The following GRIK2 variants were observed in gnomAD, a reference collection of about 807,000 sequenced individuals.
GRIK2 encodes glutamate ionotropic receptor kainate type subunit 2.
A neutral mutation model predicts 100.3 loss-of-function variants in GRIK2; 32 were observed. That is an observed-to-expected ratio of 0.32 (90% CI 0.24 to 0.43). The LOEUF (loss-of-function observed/expected upper bound fraction) is 0.43, where lower values mean the gene tolerates loss of function less well. GRIK2 is among the 20% of genes least tolerant of loss of function. The probability of loss-of-function intolerance (pLI) is 1.00; values close to 1 mark genes in which losing one functional copy is unlikely to be tolerated. For missense variants in GRIK2, 843 were observed against 1,114.9 expected (o/e 0.76, Z 3.47); for synonymous variants, 417 against 389.4 (o/e 1.07, Z -0.83).
rs565469223 is a variant in GRIK2 at position 101,773,218 on chromosome 6, T to C, written c.952-26430T>C. The stretch of plus-strand genomic sequence containing the variant: ...GAAGAGGGCCAGGTGCTGTGGCTCA[T>C]GCCTGTAATCCCAGCACTTTGGGAG... On this transcript the variant is annotated intron_variant, in intron 7 of 16. Transcript: ENST00000369134. Among the ~76,000 whole-genome samples, 5 of 152,258 alleles carry C rather than the reference T, an allele frequency of 3.3e-5. No individual in the cohort carries two copies. In the South Asian group the frequency reaches 1.0e-3, roughly 32 times the overall value.
chr6:101,595,277 A>C (rs890162162), intron 2 of GRIK2, among the ~76,000 whole-genome samples: 1 of 151,704 alleles, frequency 6.6e-6, no homozygotes, highest in Non-Finnish European at 1.5e-5. Context: ...TCAGTTAGCA[A>C]ACTGTCTGTG....
intron 2 of GRIK2, among the ~76,000 whole-genome samples, chr6:101,550,723 T>C (rs1184450935): frequency 6.6e-6 from 1 of 152,194 alleles, no homozygotes; most frequent in African/African-American, 2.4e-5. Flanking sequence ...GTGAATAGCA[T>C]GTGCCTGCAT....
intron 7 of GRIK2, among the ~76,000 whole-genome samples, chr6:101,793,434 C>T (rs1219727605): frequency 1.3e-5 from 2 of 152,134 alleles, no homozygotes; most frequent in African/African-American, 4.8e-5. Context: ...CAGACAGGAC[C>T]CTCAGCTGCA....
chr6:101,814,414 A>G (rs2791845), intron 9 of GRIK2, among the ~76,000 whole-genome samples: 44,985 of 151,918 alleles, frequency 0.3, 9,423 homozygotes, highest in East Asian at 0.67. Flanking sequence ...ATATATATTG[A>G]GAGTTTACGT....
At chr6:101,775,911 A>G (rs1005862104) in intron 7 of GRIK2, among the ~76,000 whole-genome samples, 2 of 152,008 alleles carry the variant, frequency 1.3e-5, no homozygotes, top group Non-Finnish European at 2.9e-5. Context: ...AAAAATTCAT[A>G]TATTTTTAAA....
chr6:101,917,406 C>T (rs1338780559), intron 12 of GRIK2, among the ~76,000 whole-genome samples: 1 of 151,604 alleles, frequency 6.6e-6, no homozygotes, highest in African/African-American at 2.4e-5. Context: ...TTAAATAATG[C>T]TGAAAAGTTG....
At chr6:101,967,028 C>T (rs889667027) in intron 14 of GRIK2, among the ~76,000 whole-genome samples, 1 of 151,738 alleles carries the variant, frequency 6.6e-6, no homozygotes, top group Non-Finnish European at 1.5e-5. Flanking sequence ...TTTGTTCAAG[C>T]TGACAAACTA....
chr6:101,681,165 A>G (rs1032702856), intron 5 of GRIK2, among the ~76,000 whole-genome samples: 21 of 152,102 alleles, frequency 1.4e-4, no homozygotes, highest in African/African-American at 5.1e-4. Context: ...GTACATATTT[A>G]TGAGGTATAT....
chr6:101,909,699 T>TA (rs1562481271), intron 12 of GRIK2, among the ~76,000 whole-genome samples: 2 of 148,922 alleles, frequency 1.3e-5, no homozygotes, highest in African/African-American at 5.0e-5. Flanking sequence ...AAAAAAATAA[T>TA]GTGTGTATGT....
intron 12 of GRIK2, among the ~76,000 whole-genome samples, chr6:101,900,110 T>C (rs1787743769): frequency 6.6e-6 from 1 of 152,140 alleles, no homozygotes; most frequent in African/African-American, 2.4e-5. Flanking sequence ...CAATTAGAGC[T>C]TCAATATTTA....
chr6:101,822,282 T>C (rs1782007885), intron 10 of GRIK2, among the ~76,000 whole-genome samples: 1 of 147,088 alleles, frequency 6.8e-6, no homozygotes, highest in East Asian at 2.0e-4. Flanking sequence ...AAAAGAAAAG[T>C]AAATGATACG....
intron 15 of GRIK2, among the ~76,000 whole-genome samples, chr6:102,048,077 C>G (rs1770990380): frequency 6.6e-6 from 1 of 150,996 alleles, no homozygotes; most frequent in South Asian, 2.1e-4. Flanking sequence ...ACTGTATGGT[C>G]AATTGTCAAA....
intron 9 of GRIK2, among the ~76,000 whole-genome samples, chr6:101,813,696 G>A (rs907797827): frequency 5.9e-5 from 9 of 152,134 alleles, no homozygotes; most frequent in African/African-American, 1.9e-4. Context: ...GGGCACGGTG[G>A]CTCATGCTTG....
At chr6:101,731,548 C>A (rs919224291) in intron 7 of GRIK2, among the ~76,000 whole-genome samples, 2 of 151,802 alleles carry the variant, frequency 1.3e-5, no homozygotes, top group Admixed American at 6.6e-5. Flanking sequence ...CTATACCATA[C>A]CTATTATATA....
intron 4 of GRIK2, among the ~76,000 whole-genome samples, chr6:101,654,181 A>G (rs746890943): frequency 6.6e-6 from 1 of 152,126 alleles, no homozygotes; most frequent in Admixed American, 6.6e-5. Context: ...CCTTGACCCC[A>G]TATGAGTGGG....
chr6:101,687,876 T>G (rs1436718813), intron 7 of GRIK2, among the ~76,000 whole-genome samples: 1 of 151,424 alleles, frequency 6.6e-6, no homozygotes, highest in Non-Finnish European at 1.5e-5. Flanking sequence ...TAAAATATTT[T>G]CCTTCAAAGT....
intron 13 of GRIK2, chr6:101,927,853 A>T (rs1327099417): frequency 6.5e-6 from 1 of 153,076 alleles, no homozygotes; most frequent in Non-Finnish European, 1.5e-5. Flanking sequence ...CTTATTTTAA[A>T]ATAAACATTA....
chr6:101,978,020 G>T (rs1388301360), intron 14 of GRIK2, among the ~76,000 whole-genome samples: 1 of 151,866 alleles, frequency 6.6e-6, no homozygotes, highest in East Asian at 1.9e-4. Flanking sequence ...ATTATAATCT[G>T]GATGTAAAAA....
chr6:101,657,495 T>A (rs1348166186), intron 4 of GRIK2, among the ~76,000 whole-genome samples: 2 of 152,172 alleles, frequency 1.3e-5, no homozygotes, highest in South Asian at 2.1e-4. Flanking sequence ...ATTGAGCCAA[T>A]TCCCTTTGCC....
Sources: allele counts gnomAD v4.1 joint callset (sites outside exome capture counted in the v4.1 genomes callset), GRCh38; gene constraint gnomAD v4.1.1; transcripts MANE v1.5; gene names NCBI Gene and HGNC (gene_info 2026-07-23, HGNC 2026-07-21).